IRX5: variants seen among roughly 807,000 people sequenced by gnomAD.
IRX5 encodes iroquois homeobox 5, also known as iroquois-class homeodomain protein IRX-5.
In IRX5, 8 loss-of-function variants were observed where a neutral mutation model predicts 37.6. The observed-to-expected ratio is 0.21, with a 90% CI of 0.12 to 0.38. IRX5 has a LOEUF of 0.38. IRX5 is among the 10% of genes least tolerant of loss of function. The pLI, the probability that IRX5 is intolerant of heterozygous loss-of-function variation, is 1.00. For missense variants in IRX5, 635 were observed against 695.2 expected, an observed-to-expected ratio of 0.91 and a Z score of 0.97; for synonymous variants, 359 against 328.6, an observed-to-expected ratio of 1.09 and a Z score of -1.00.
Position 54,933,522 on chromosome 16 carries a change from C to G in IRX5, c.1101C>G (p.Ala367=), listed in dbSNP as rs201738191. 2.5e-6 allele frequency: 4 copies of G among 1,609,276 alleles called. No homozygotes were observed. Among genetic ancestry groups the G allele is most frequent in the East Asian group, 2.2e-5 (1 of 44,744 alleles). Residue 367 remains alanine (A), a synonymous_variant, in exon 3 of 3, where the codon GCC becomes GCG. Transcript: ENST00000394636. ...SPCPPCPGPI[A]GQALGGSRAS... ...GCCCACCGTGTCCCGGGCCCATAGC[C>G]GGGCAAGCCCTAGGAGGCAGCCGGG...
Position 54,933,245 on chromosome 16 carries a change from C to A in IRX5, c.824C>A (p.Pro275Gln), listed in dbSNP as rs1464914551. The A allele has an allele frequency of 3.6e-6, 5 of 1,408,154 alleles. No individual in the cohort carries two copies. The African/African-American group carries it at 6.1e-5, about 17-fold the overall frequency. The allele number at this position is 1,408,154 out of a possible 1,614,324, so 87.2% of individuals were successfully genotyped here. ...QGPPRTGGPS[P>Q]AGPAAARLAE... ...CCCCCCCGCACCGGCGGGCCCTCCCCGGCTGGGCCAGCGGCGGCGCGGCTG... is the reference window on the plus strand; with the variant it reads ...CCCCCCCGCACCGGCGGGCCCTCCCAGGCTGGGCCAGCGGCGGCGCGGCTG... Residue 275 changes from proline (P) to glutamine (Q), a missense_variant, in exon 3 of 3, where the codon CCG becomes CAG. This residue lies in a region of IRX5 where 244 missense variants were observed against 205.4 expected (regional missense o/e 1.19). Coordinates refer to ENST00000394636, the MANE Select transcript of IRX5 (RefSeq NM_005853.6).
In IRX5 at chr16:54,931,070, C is replaced by T; in HGVS notation, c.-129C>T. On this transcript the variant is annotated 5_prime_UTR_variant, in exon 1 of 3. Coordinates refer to ENST00000394636, the MANE Select transcript of IRX5 (RefSeq NM_005853.6). ...GAGGAGGCGCCGCGGGCCGGAGCCC[C>T]GGAGCCGGGGCCAGAGGAGCGGCGG... 1 of 606,990 alleles carries T rather than the reference C, an allele frequency of 1.6e-6. No homozygotes were observed. Among genetic ancestry groups the T allele is most frequent in the Non-Finnish European group, 2.1e-6 (1 of 477,800 alleles). The allele number at this position is 606,990 out of a possible 1,614,324, so 37.6% of individuals were successfully genotyped here. A position where few individuals can be genotyped will look rare whatever the true frequency, so the allele number is the denominator to read the frequency against.
Position 54,931,400 on chromosome 16 carries a change from G to C in IRX5, c.202G>C (p.Gly68Arg), listed in dbSNP as rs768213705. The C allele has an allele frequency of 1.3e-6, 2 of 1,597,358 alleles. No individual in the cohort carries two copies. Among genetic ancestry groups the C allele is most frequent in the Non-Finnish European group, 8.5e-7 (1 of 1,177,856 alleles). Residue 68 changes from glycine (G) to arginine (R), a missense_variant, in exon 1 of 3, where the codon GGC (glycine) becomes CGC (arginine). Coordinates refer to ENST00000394636, the MANE Select transcript of IRX5 (RefSeq NM_005853.6). ...SPGYNSHLQY[G>R]ADPAAAAAAA... is the part of the protein sequence containing the mutation. The stretch of plus-strand genomic sequence containing the variant: ...GGGCTACAACTCGCACCTCCAGTAC[G>C]GCGCCGACCCCGCGGCCGCCGCCGC...
Position 54,932,836 on chromosome 16 carries a change from G to A in IRX5, c.588G>A (p.Leu196=). 6.2e-7 allele frequency: 1 copy of A among 1,614,138 alleles called. No homozygotes were observed. The highest frequency in any genetic ancestry group is 8.5e-7 in the Non-Finnish European group (1 of 1,179,998). Residue 196 remains leucine (L), a synonymous_variant, in exon 2 of 3, where the codon CTG becomes CTA. Coordinates refer to ENST00000394636, the MANE Select transcript of IRX5 (RefSeq NM_005853.6). This position sits in a 1 kb window ranked among gnomAD's most constrained non-coding sequence, Gnocchi z 6.7. ...AGGAAGAGGAGGAGAACATTGACCT[G>A]GAGAAGAACGACGAGGACGAGCCCC... is the stretch of plus-strand genomic sequence containing the variant. ...EDEEEEENID[L]EKNDEDEPQK... is the part of the protein sequence containing the mutation.
chr16:54,931,811 G>A (rs1240032204), intron 1 of IRX5, among the ~76,000 whole-genome samples: 1 of 152,210 alleles, frequency 6.6e-6, no homozygotes, highest in African/African-American at 2.4e-5. Flanking sequence ...CTCGAAATTT[G>A]AGCAGAAGCG....
chr16:54,932,843 AACG>A lies in IRX5; in HGVS notation c.600_602del (p.Asp200del). 1 of 1,614,068 alleles carries A rather than the reference AACG, an allele frequency of 6.2e-7. No individual in the cohort carries two copies. The highest frequency in any genetic ancestry group is 8.5e-7 in the Non-Finnish European group (1 of 1,179,976). On this transcript the variant is annotated inframe_deletion, in exon 2 of 3. Transcript: ENST00000394636. This position sits in a 1 kb window ranked among gnomAD's most constrained non-coding sequence, Gnocchi z 6.7. ...GGAGGAGAACATTGACCTGGAGAAG[AACG>A]ACGAGGACGAGCCCCAGAAGCCCGA...
chr16:54,932,976 G>C lies in IRX5; in HGVS notation c.655+73G>C, dbSNP rs987215565. On this transcript the variant is annotated intron_variant, in intron 2 of 2. Transcript: ENST00000394636. This position sits in a 1 kb window ranked among gnomAD's most constrained non-coding sequence, Gnocchi z 6.7. ...AGAGAGGCCTGGAGGGGGCGCGCAC[G>C]GGGCCTGGAGGTTGGGGGCAGGGGT... 134 of 1,584,198 alleles carry C rather than the reference G, an allele frequency of 8.5e-5. No homozygotes were observed. The highest frequency in any genetic ancestry group is 1.1e-4 in the Non-Finnish European group (126 of 1,168,622).
Position 54,933,755 on chromosome 16 carries a change from C to A in IRX5, c.1334C>A (p.Thr445Asn). Residue 445 changes from threonine (T) to asparagine (N), a missense_variant, in exon 3 of 3, where the codon ACC (threonine) becomes AAC (asparagine). Transcript: ENST00000394636. ...TCTCATTTCAATGGATTAAACCAGA[C>A]CGTGTTGAACCGAGCGGACGCTTTG... ...PGSHFNGLNQ[T>N]VLNRADALAK... 2 of 1,614,168 alleles carry A rather than the reference C, an allele frequency of 1.2e-6. No homozygotes were observed. Among genetic ancestry groups the A allele is most frequent in the South Asian group, 1.1e-5 (1 of 91,086 alleles).
At position 54,932,402 on chromosome 16, in the gene IRX5, A is replaced by G; in HGVS notation, c.250-96A>G. 7.0e-7 allele frequency: 1 copy of G among 1,426,182 alleles called. No homozygotes were observed. The highest frequency in any genetic ancestry group is 9.4e-7 in the Non-Finnish European group (1 of 1,062,466). 88.3% of individuals were successfully genotyped at this position (1,426,182 alleles called of 1,614,324 possible). ...GCTGGAGTGCGGGCCTCGTCCACCC[A>G]CAGACCCCGGGGAGCGCAGGGAAAA... On this transcript the variant is annotated intron_variant, in intron 1 of 2. Coordinates refer to ENST00000394636, the MANE Select transcript of IRX5 (RefSeq NM_005853.6). This position sits in a 1 kb window ranked among gnomAD's most constrained non-coding sequence, Gnocchi z 6.7.
At position 54,933,533 on chromosome 16, in the gene IRX5, T is replaced by C. The variant is rs1963930872; in HGVS notation, c.1112T>C (p.Leu371Pro). The C allele has an allele frequency of 6.2e-7, 1 of 1,607,980 alleles. No homozygotes were observed. The highest frequency in any genetic ancestry group is 1.1e-5 in the South Asian group (1 of 90,622). ...PCPGPIAGQA[L>P]GGSRASPAPA... ...CCCGGGCCCATAGCCGGGCAAGCCC[T>C]AGGAGGCAGCCGGGCGTCGCCGGCC... is the stretch of plus-strand genomic sequence containing the variant. Residue 371 changes from leucine to proline, a missense_variant, in exon 3 of 3, where the codon CTA (leucine) becomes CCA (proline). Transcript: ENST00000394636.
In IRX5 at chr16:54,932,171, A is replaced by T. The variant is rs1324203136; in HGVS notation, c.250-327A>T. 9 of 702,628 alleles carry T rather than the reference A, an allele frequency of 1.3e-5. No homozygotes were observed. Among genetic ancestry groups the T allele is most frequent in the Non-Finnish European group, 2.1e-5 (8 of 384,936 alleles). 43.5% of individuals were successfully genotyped at this position (702,628 alleles called of 1,614,324 possible). ...CTCAGTTGCCCAGGCCTCTATCTGC[A>T]TGGAGGGCCGGGCCGCCGTGGCCAG... On this transcript the variant is annotated intron_variant, in intron 1 of 2. Transcript: ENST00000394636. This position sits in a 1 kb window ranked among gnomAD's most constrained non-coding sequence, Gnocchi z 6.7.
In IRX5 at chr16:54,933,100, T is replaced by G; in HGVS notation, c.679T>G (p.Ser227Ala). 6.3e-7 allele frequency: 1 copy of G among 1,592,004 alleles called. No individual in the cohort carries two copies. The highest frequency in any genetic ancestry group is 8.5e-7 in the Non-Finnish European group (1 of 1,174,420). ...EAGGAEQKAA[S>A]GCERLQGPPT... ...AGGAGGAGCTGAGCAGAAGGCGGCT[T>G]CGGGCTGCGAACGGCTTCAGGGACC... The change falls in exon 3 of 3, where the codon TCG (serine) becomes GCG (alanine). Residue 227 changes from serine (S) to alanine (A), a missense_variant. Physicochemically the swap from Ser to Ala is moderately conservative, Grantham distance 99 (BLOSUM62 1). Transcript: ENST00000394636.
In IRX5 at chr16:54,932,391, C is replaced by T; in HGVS notation, c.250-107C>T. ...CCCCGTAGGAAGCTGGAGTGCGGGCCTCGTCCACCCACAGACCCCGGGGAG... is the reference window on the plus strand; with the variant it reads ...CCCCGTAGGAAGCTGGAGTGCGGGCTTCGTCCACCCACAGACCCCGGGGAG... On this transcript the variant is annotated intron_variant, in intron 1 of 2. Coordinates refer to ENST00000394636, the MANE Select transcript of IRX5 (RefSeq NM_005853.6). This position sits in a 1 kb window ranked among gnomAD's most constrained non-coding sequence, Gnocchi z 6.7. The T allele has an allele frequency of 1.5e-6, 2 of 1,324,706 alleles. No individual in the cohort carries two copies. The highest frequency in any genetic ancestry group is 2.0e-6 in the Non-Finnish European group (2 of 979,110). 82.1% of individuals were successfully genotyped at this position (1,324,706 alleles called of 1,614,324 possible).
chr16:54,931,502 C>T, intron 1 of IRX5, 55 bp downstream of exon 1: 1 of 1,380,884 alleles, frequency 7.2e-7, no homozygotes, highest in Non-Finnish European at 9.7e-7. Context: ...GGCGGGAGGA[C>T]GGGGGCGGAG....
In IRX5 at chr16:54,932,555, G is replaced by A. The variant is rs768675020; in HGVS notation, c.307G>A (p.Ala103Thr). The change falls in exon 2 of 3, where the codon GCG becomes ACG. Residue 103 changes from alanine (A) to threonine (T), a missense_variant. Physicochemically the swap from Ala to Thr is moderately conservative, Grantham distance 58 (BLOSUM62 0). Around this residue, in one of 5 missense-constraint regions of IRX5, gnomAD observed 145 missense variants for 152.4 expected, o/e 0.95. Coordinates refer to ENST00000394636, the MANE Select transcript of IRX5 (RefSeq NM_005853.6). This position sits in a 1 kb window ranked among gnomAD's most constrained non-coding sequence, Gnocchi z 6.7. ...MAGSLGYHPY[A>T]APLGSYPYGD... ...GGGCTCCTTGGGGTACCATCCTTAC[G>A]CGGCGCCCCTGGGATCGTACCCTTA... The A allele has an allele frequency of 6.2e-7, 1 of 1,613,974 alleles. No homozygotes were observed. Among genetic ancestry groups the A allele is most frequent in the Non-Finnish European group, 8.5e-7 (1 of 1,179,986 alleles).
In IRX5 at chr16:54,934,103, C is replaced by T. The variant is rs141076276; in HGVS notation, c.*230C>T. The T allele has an allele frequency of 5.3e-6, 2 of 380,536 alleles. No homozygotes were observed. The highest frequency in any genetic ancestry group is 4.3e-5 in the Admixed American group (1 of 23,076). The allele number at this position is 380,536 out of a possible 1,614,324, so 23.6% of individuals were successfully genotyped here. A position where few individuals can be genotyped will look rare whatever the true frequency, so the allele number is the denominator to read the frequency against. On this transcript the variant is annotated 3_prime_UTR_variant, in exon 3 of 3. Transcript: ENST00000394636. ...AATTAAAAAAGGATTTGTATTAAAT[C>T]TTATTCTGTATATTTAATGTAGCAT...
Position 54,932,356 on chromosome 16 carries a change from G to T in IRX5, c.250-142G>T. On this transcript the variant is annotated intron_variant, in intron 1 of 2. Transcript: ENST00000394636. This position sits in a 1 kb window ranked among gnomAD's most constrained non-coding sequence, Gnocchi z 6.7. The stretch of plus-strand genomic sequence containing the variant: ...GGAGTTGCTCCTAGGTCTGAACCCC[G>T]CCAGCCTTGCCCCGTAGGAAGCTGG... 4.1e-6 allele frequency: 4 copies of T among 971,168 alleles called. No individual in the cohort carries two copies. Among genetic ancestry groups the T allele is most frequent in the South Asian group, 3.4e-5 (2 of 59,432 alleles). The allele number at this position is 971,168 out of a possible 1,614,324, so 60.2% of individuals were successfully genotyped here.
chr16:54,931,527 A>G (rs1963897579), intron 1 of IRX5, 80 bp downstream of exon 1: 1 of 1,434,098 alleles, frequency 7.0e-7, no homozygotes, highest in African/African-American at 1.5e-5. Context: ...ACACGGGCCT[A>G]GGCGCCAACA....
At position 54,932,411 on chromosome 16, in the gene IRX5, G is replaced by A; in HGVS notation, c.250-87G>A. ...CGGGCCTCGTCCACCCACAGACCCC[G>A]GGGAGCGCAGGGAAAAGGGTGCTTC... On this transcript the variant is annotated intron_variant, in intron 1 of 2. Coordinates refer to ENST00000394636, the MANE Select transcript of IRX5 (RefSeq NM_005853.6). This position sits in a 1 kb window ranked among gnomAD's most constrained non-coding sequence, Gnocchi z 6.7. 6.8e-7 allele frequency: 1 copy of A among 1,460,854 alleles called. No homozygotes were observed. Among genetic ancestry groups the A allele is most frequent in the Non-Finnish European group, 9.2e-7 (1 of 1,088,272 alleles). The allele number at this position is 1,460,854 out of a possible 1,614,324, so 90.5% of individuals were successfully genotyped here.
Sources: allele counts gnomAD v4.1 joint callset (sites outside exome capture counted in the v4.1 genomes callset), GRCh38; gene constraint gnomAD v4.1.1; regional missense constraint gnomAD v4.1.1; non-coding constraint Gnocchi (gnomAD v3.1); transcripts MANE v1.5; gene names NCBI Gene and HGNC (gene_info 2026-07-23, HGNC 2026-07-21).